CNTN6: variants seen among roughly 807,000 people sequenced by gnomAD.
The protein encoded by CNTN6 is contactin-6.
Under a neutral mutation model 122.8 loss-of-function variants are expected in CNTN6, and 137 were observed. That is an observed-to-expected ratio of 1.12 (90% CI 0.97 to 1.29). The LOEUF (loss-of-function observed/expected upper bound fraction) is 1.29, where lower values mean the gene tolerates loss of function less well. Among genes scored for constraint, CNTN6 ranks in the 50% most tolerant of loss-of-function variants. The pLI is 0.00. For synonymous variants in CNTN6, 570 were observed against 426.0 expected (o/e 1.34, Z -4.16); for missense variants, 1,634 against 1,223.4 (o/e 1.34, Z -5.01).
At chr3:1,369,955 C>T (rs985466276) in intron 12 of CNTN6, among the ~76,000 whole-genome samples, 1 of 151,596 alleles carries the variant, frequency 6.6e-6, no homozygotes, top group African/African-American at 2.4e-5. Context: ...AATTAAATTA[C>T]AAAACAATAC....
At chr3:1,231,913 C>T (rs565692348) in intron 4 of CNTN6, among the ~76,000 whole-genome samples, 4 of 152,270 alleles carry the variant, frequency 2.6e-5, no homozygotes, top group African/African-American at 4.8e-5. Context: ...TCCAAAATCA[C>T]TTGTAGCTGC....
chr3:1,256,294 A>G (rs1003610130), intron 4 of CNTN6, among the ~76,000 whole-genome samples: 1 of 152,158 alleles, frequency 6.6e-6, no homozygotes, highest in Non-Finnish European at 1.5e-5. Context: ...TAGACGTGAA[A>G]GTGTGGGTGA....
intron 8 of CNTN6, among the ~76,000 whole-genome samples, chr3:1,322,583 C>T (rs265797): frequency 0.49 from 73,887 of 151,374 alleles, 18,569 homozygotes; most frequent in East Asian, 0.76. Flanking sequence ...AAATACTTTC[C>T]TATGTGACAT....
intron 1 of CNTN6, among the ~76,000 whole-genome samples, chr3:1,099,765 TTTCTTAC>T (rs1223893157): frequency 6.6e-6 from 1 of 152,188 alleles, no homozygotes; most frequent in Non-Finnish European, 1.5e-5. Context: ...GTTGGACTTA[TTTCTTAC>T]TTCTTACTTC....
At position 1,278,462 on chromosome 3, in the gene CNTN6, A is replaced by T. The variant is rs915995227; in HGVS notation, c.408A>T (p.Glu136Asp). The change falls in exon 5 of 23, where the codon GAA becomes GAT. Residue 136 changes from glutamate (E) to aspartate (D), a missense_variant. Physicochemically the swap from Glu to Asp is conservative, Grantham distance 45. Coordinates refer to ENST00000446702, the MANE Select transcript of CNTN6 (RefSeq NM_001289080.2). ...TKTRSTVSVR[E>D]GQGVVLLCGP... is the part of the protein sequence containing the mutation. ...CAAGAAGCACAGTATCTGTCCGAGA[A>T]GGTCAAGGTGTGGTGCTTCTCTGTG... is the stretch of plus-strand genomic sequence containing the variant. 15 of 1,612,908 alleles carry T rather than the reference A, an allele frequency of 9.3e-6. No individual in the cohort carries two copies. The highest frequency in any genetic ancestry group is 1.2e-5 in the Non-Finnish European group (14 of 1,179,138).
intron 2 of CNTN6, among the ~76,000 whole-genome samples, chr3:1,192,627 A>T (rs375521784): frequency 1.3e-5 from 2 of 152,162 alleles, no homozygotes; most frequent in East Asian, 1.9e-4. Context: ...AATTATTTAT[A>T]CATTGTCACA....
At chr3:1,258,275 C>G (rs1466754568) in intron 4 of CNTN6, among the ~76,000 whole-genome samples, 3 of 152,172 alleles carry the variant, frequency 2.0e-5, no homozygotes, top group African/African-American at 7.2e-5. Context: ...AGCAGTATGA[C>G]TGAAATTCCA....
At chr3:1,392,194 G>A (rs1694258886) in intron 20 of CNTN6, among the ~76,000 whole-genome samples, 1 of 152,364 alleles carries the variant, frequency 6.6e-6, no homozygotes, top group South Asian at 2.1e-4. Flanking sequence ...CATGGTACTG[G>A]TACCAAAACA....
At chr3:1,106,306 C>G (rs146848841) in intron 1 of CNTN6, among the ~76,000 whole-genome samples, 1 of 152,088 alleles carries the variant, frequency 6.6e-6, no homozygotes, top group Admixed American at 6.6e-5. Context: ...ATAGTCAGAA[C>G]AAGAAAGAAC....
intron 1 of CNTN6, among the ~76,000 whole-genome samples, chr3:1,129,432 T>G (rs1043619272): frequency 2.0e-5 from 3 of 152,028 alleles, no homozygotes; most frequent in Non-Finnish European, 2.9e-5. Flanking sequence ...TGTACCGTCT[T>G]CATGCATATA....
intron 7 of CNTN6, among the ~76,000 whole-genome samples, chr3:1,307,646 C>T (rs549927311): frequency 2.6e-5 from 4 of 152,186 alleles, no homozygotes; most frequent in African/African-American, 7.2e-5. Context: ...CATATTACAT[C>T]GAGTTTTCTT....
chr3:1,313,601 A>G (rs1477814112), intron 7 of CNTN6, among the ~76,000 whole-genome samples: 1 of 151,866 alleles, frequency 6.6e-6, no homozygotes, highest in Non-Finnish European at 1.5e-5. Context: ...TTTTCCCCCA[A>G]CTGCAGGTGC....
At chr3:1,298,601 C>T (rs187035775) in intron 7 of CNTN6, among the ~76,000 whole-genome samples, 11 of 152,062 alleles carry the variant, frequency 7.2e-5, no homozygotes, top group Admixed American at 3.9e-4. Context: ...ATATCTAGAA[C>T]CCCTCTTTGC....
intron 1 of CNTN6, among the ~76,000 whole-genome samples, chr3:1,136,969 T>C (rs948443864): frequency 1.3e-5 from 2 of 152,218 alleles, no homozygotes; most frequent in African/African-American, 4.8e-5. Flanking sequence ...ACTCCTGGCA[T>C]AGAATCTCGC....
intron 1 of CNTN6, among the ~76,000 whole-genome samples, chr3:1,108,106 A>T (rs1274409880): frequency 6.6e-6 from 1 of 152,086 alleles, no homozygotes; most frequent in Non-Finnish European, 1.5e-5. Context: ...AAAAAATTTA[A>T]TCCATTTGAG....
In CNTN6 at chr3:1,268,623, AAT is replaced by A. The variant is rs1169086416; in HGVS notation, c.359-9788_359-9787del. On this transcript the variant is annotated intron_variant, in intron 4 of 22. Transcript: ENST00000446702. ...CTCCGTCTCAAAAAAAAAAAAAAAA[AAT>A]ACAGTGTGATGTGGCAGTTCTTGGA... 1.7e-3 allele frequency among the ~76,000 whole-genome samples: 251 copies of A among 150,636 alleles called. 2 individuals carry two copies. The highest frequency in any genetic ancestry group is 5.8e-3 in the African/African-American group (234 of 40,536).
In CNTN6 at chr3:1,348,157, C is replaced by CAAAAAAAAAAA. The variant is rs532282828; in HGVS notation, c.1365-4158_1365-4148dup. Among the ~76,000 whole-genome samples the CAAAAAAAAAAA allele has an allele frequency of 6.0e-3, 386 of 64,228 alleles. 36 individuals carry two copies. Among genetic ancestry groups the CAAAAAAAAAAA allele is most frequent in the African/African-American group, 0.025 (366 of 14,544 alleles). 42.1% of individuals were successfully genotyped at this position (64,228 alleles called of 152,430 possible). On this transcript the variant is annotated intron_variant, in intron 11 of 22. Transcript: ENST00000446702. ...AATATTAGTATTTCTATGCTATAGA[C>CAAAAAAAAAAA]AAAAAAAAAAAAAAAAAAAGGACTT... is the stretch of plus-strand genomic sequence containing the variant.
chr3:1,207,257 G>A (rs1242663934), intron 2 of CNTN6, among the ~76,000 whole-genome samples: 1 of 152,006 alleles, frequency 6.6e-6, no homozygotes, highest in Non-Finnish European at 1.5e-5. Flanking sequence ...TCCTTAGGCT[G>A]AATACCTGAT....
intron 5 of CNTN6, among the ~76,000 whole-genome samples, chr3:1,287,951 T>C (rs1575565296): frequency 6.6e-6 from 1 of 152,066 alleles, no homozygotes; most frequent in Non-Finnish European, 1.5e-5. Context: ...GTAGCCACTG[T>C]TACTTATTCC....
Sources: gnomAD v4.1 joint callset for allele counts (sites outside exome capture counted in the v4.1 genomes callset) on GRCh38, gnomAD v4.1.1 for gene constraint, MANE v1.5 for transcripts, NCBI Gene and HGNC (gene_info 2026-07-23, HGNC 2026-07-21) for gene names.